The following ZFP64 variants were observed in gnomAD, a reference collection of about 807,000 sequenced individuals.
ZFP64 encodes the protein zinc finger protein 64.
Under a neutral mutation model 51.6 loss-of-function variants are expected in ZFP64, and 14 were observed. The ratio of observed to expected loss-of-function variants is 0.27; its 90% CI spans 0.18 to 0.42. ZFP64 has a LOEUF of 0.42. Among genes scored for constraint, ZFP64 ranks in the 10% least tolerant of loss-of-function variants. The pLI is 1.00. For synonymous variants in ZFP64, 375 were observed against 361.4 expected, an observed-to-expected ratio of 1.04 and a Z score of -0.43; for missense variants, 754 against 906.8, an observed-to-expected ratio of 0.83 and a Z score of 2.16.
intron 5 of ZFP64, among the ~76,000 whole-genome samples, chr20:52,120,035 G>T (rs1162728485): frequency 6.6e-6 from 1 of 152,094 alleles, no homozygotes; most frequent in Non-Finnish European, 1.5e-5. Context: ...GCAGGTGTTT[G>T]GATCATGGAG....
chr20:52,166,928 T>C (rs1453462337), intron 2 of ZFP64, among the ~76,000 whole-genome samples: 1 of 146,392 alleles, frequency 6.8e-6, no homozygotes, highest in Non-Finnish European at 1.5e-5. Flanking sequence ...ATTAACATTC[T>C]TCTCAGCATA....
At chr20:52,111,008 C>G (rs12624823) in intron 5 of ZFP64, 303,874 of 1,457,932 alleles carry the variant, frequency 0.21, 33,761 homozygotes, top group Admixed American at 0.32. Flanking sequence ...GTGACCGTAT[C>G]CAGGGGAAGG....
At chr20:52,171,398 CGTATGTGTATGCGTATGT>C (rs1364932906) in intron 2 of ZFP64, among the ~76,000 whole-genome samples, 1 of 150,580 alleles carries the variant, frequency 6.6e-6, no homozygotes, top group Admixed American at 6.6e-5. Context: ...TATGCGTATG[CGTATGTGTATGCGTATGT>C]GTATGTGTAT....
In ZFP64 at chr20:52,160,677, C is replaced by G. The variant is rs1981716274; in HGVS notation, c.512-303G>C. Among the ~76,000 whole-genome samples the G allele has an allele frequency of 6.6e-6, 1 of 151,968 alleles. No homozygotes were observed. The highest frequency in any genetic ancestry group is 2.1e-4 in the South Asian group (1 of 4,814). On this transcript the variant is annotated intron_variant, in intron 4 of 5. Transcript: ENST00000216923. The surrounding 1 kb of genome is among the most constrained non-coding windows in gnomAD (Gnocchi z 4.2). Reference sequence around the variant, plus strand: ...AAAGTATAGGTACGTAAAATAGTAACAGTTTTGTTAATTTTCCCTTGTATT... The same window carrying G: ...AAAGTATAGGTACGTAAAATAGTAAGAGTTTTGTTAATTTTCCCTTGTATT...
At chr20:52,145,576 C>T (rs1350078499) in intron 5 of ZFP64, among the ~76,000 whole-genome samples, 1 of 152,122 alleles carries the variant, frequency 6.6e-6, no homozygotes, top group African/African-American at 2.4e-5. Flanking sequence ...GAGGTAGAGG[C>T]TGCAGTGAGC....
chr20:52,138,623 A>G (rs1366232973), intron 5 of ZFP64, among the ~76,000 whole-genome samples: 1 of 151,246 alleles, frequency 6.6e-6, no homozygotes, highest in Non-Finnish European at 1.5e-5. Flanking sequence ...CAAACTTTAT[A>G]TGCATCAAAC....
rs951747427 is a variant in ZFP64, at chr20:52,085,866, A to T, written c.1229-600T>A. 6.6e-6 allele frequency among the ~76,000 whole-genome samples: 1 copy of T among 152,166 alleles called. No homozygotes were observed. The highest frequency in any genetic ancestry group is 1.5e-5 in the Non-Finnish European group (1 of 68,034). On this transcript the variant is annotated intron_variant, in intron 8 of 8. Coordinates refer to the ZFP64 transcript ENST00000361387. This position sits in a 1 kb window ranked among gnomAD's most constrained non-coding sequence, Gnocchi z 4.3. ...TGGTCTTTAGAGTCCCATTCCCTGG[A>T]GACATTGCTAAGGGTTTCTAGTTGT... is the stretch of plus-strand genomic sequence containing the variant.
At chr20:52,138,963 A>C (rs1980118776) in intron 5 of ZFP64, among the ~76,000 whole-genome samples, 1 of 152,212 alleles carries the variant, frequency 6.6e-6, no homozygotes, top group African/African-American at 2.4e-5. Flanking sequence ...TGAGAGAAAT[A>C]TAAATCAAAA....
At chr20:52,185,936 G>C (rs574410762) in intron 2 of ZFP64, among the ~76,000 whole-genome samples, 2 of 152,280 alleles carry the variant, frequency 1.3e-5, no homozygotes, top group African/African-American at 4.8e-5. Flanking sequence ...TTGTATAAGA[G>C]GGATTTAGGC....
At chr20:52,106,713 T>C (rs933532994) in intron 5 of ZFP64, among the ~76,000 whole-genome samples, 1 of 152,218 alleles carries the variant, frequency 6.6e-6, no homozygotes, top group African/African-American at 2.4e-5. Flanking sequence ...AGGTTAAATT[T>C]CCGAGACTTA....
At chr20:52,111,253 G>C (rs1375852501) in intron 5 of ZFP64, among the ~76,000 whole-genome samples, 8 of 131,900 alleles carry the variant, frequency 6.1e-5, no homozygotes, top group African/African-American at 2.4e-4. Flanking sequence ...AGTTTTGCTC[G>C]TTGCCCAGGC....
At chr20:52,107,509 A>T (rs113356742) in intron 5 of ZFP64, among the ~76,000 whole-genome samples, 2,190 of 152,150 alleles carry the variant, frequency 0.014, 45 homozygotes, top group African/African-American at 0.049. Flanking sequence ...TTAAGAATCA[A>T]CAGCCTGACT....
chr20:52,090,160 G>A lies in ZFP64; in HGVS notation c.977-1517C>T, dbSNP rs192052168. Reference sequence around the variant, plus strand: ...AGCCATGCATCTTATTTAGAAGCAGGGTGGTCCAATTTCAGAACCCTAAGA... The same window carrying A: ...AGCCATGCATCTTATTTAGAAGCAGAGTGGTCCAATTTCAGAACCCTAAGA... On this transcript the variant is annotated intron_variant, in intron 7 of 8. Coordinates refer to the ZFP64 transcript ENST00000361387. Among the ~76,000 whole-genome samples, 21 of 152,238 alleles carry A rather than the reference G, an allele frequency of 1.4e-4. No homozygotes were observed. The East Asian group carries it at 3.9e-3, about 28-fold the overall frequency.
chr20:52,115,108 G>T (rs569995017), intron 5 of ZFP64, among the ~76,000 whole-genome samples: 1 of 150,770 alleles, frequency 6.6e-6, no homozygotes, highest in Non-Finnish European at 1.5e-5. Context: ...GGAGGCTGAG[G>T]CAGGAGAATG....
At chr20:52,175,459 G>C (rs555039916) in intron 2 of ZFP64, among the ~76,000 whole-genome samples, 1 of 152,248 alleles carries the variant, frequency 6.6e-6, no homozygotes, top group East Asian at 1.9e-4. Context: ...TGATTTTTTT[G>C]TGTATGTTGT....
At chr20:52,166,128 T>C (rs913334160) in intron 2 of ZFP64, 103 bp from the exon 3 acceptor site, 1 of 1,216,566 alleles carries the variant, frequency 8.2e-7, no homozygotes, top group Non-Finnish European at 1.1e-6. Context: ...TAGTTTGCTT[T>C]CCCAGCCTCC....
At chr20:52,098,519 C>T (rs2079016420) in exon 6 of ZFP64, 1 of 1,614,106 alleles carries the variant, frequency 6.2e-7, no homozygotes, top group Non-Finnish European at 8.5e-7. Context: ...ATGACAGGGG[C>T]CTTCGGAGTG....
At chr20:52,155,936 C>G (rs1000327867) in intron 5 of ZFP64, among the ~76,000 whole-genome samples, 1 of 152,160 alleles carries the variant, frequency 6.6e-6, no homozygotes, top group African/African-American at 2.4e-5. Flanking sequence ...ACAGTTTTAC[C>G]AGTGCCACAG....
At chr20:52,183,373 T>A (rs1305904236) in intron 2 of ZFP64, among the ~76,000 whole-genome samples, 1 of 152,198 alleles carries the variant, frequency 6.6e-6, no homozygotes, top group African/African-American at 2.4e-5. Context: ...CATTTTTATA[T>A]GGCTCCCATC....
Sources: gnomAD v4.1 joint callset for allele counts (sites outside exome capture counted in the v4.1 genomes callset) on GRCh38, gnomAD v4.1.1 for gene constraint, Gnocchi (gnomAD v3.1) non-coding constraint, MANE v1.5 for transcripts, NCBI Gene and HGNC (gene_info 2026-07-23, HGNC 2026-07-21) for gene names.